Variants in GPLD1 observed in about 807,000 individuals in gnomAD.
GPLD1 encodes phosphatidylinositol-glycan-specific phospholipase D.
In GPLD1, 84 loss-of-function variants were observed where a neutral mutation model predicts 112.6. That is an observed-to-expected ratio of 0.75 (90% CI 0.63 to 0.89). The LOEUF is 0.89. Ranked by LOEUF, GPLD1 falls within the 40% of genes least tolerant of loss-of-function variation. The pLI is 0.00. For synonymous variants in GPLD1, 386 were observed against 403.8 expected, an observed-to-expected ratio of 0.96 and a Z score of 0.53; for missense variants, 1,044 against 1,051.5, an observed-to-expected ratio of 0.99 and a Z score of 0.10.
chr6:24,429,230 G>T, intron 24 of GPLD1, 112 bp from the exon 25 acceptor site: 1 of 571,444 alleles, frequency 1.7e-6, no homozygotes. Context: ...ATAAGACACT[G>T]GCCAGATCCC....
chr6:24,473,714 C>G (rs1288475821), intron 5 of GPLD1, 47 bp from the exon 6 acceptor site: 1 of 1,292,286 alleles, frequency 7.7e-7, no homozygotes, highest in African/African-American at 1.5e-5. Flanking sequence ...AATTGTAGCC[C>G]CAACTCTTAC....
At chr6:24,484,552 G>C (rs1764310830) in intron 2 of GPLD1, among the ~76,000 whole-genome samples, 1 of 152,180 alleles carries the variant, frequency 6.6e-6, no homozygotes, top group Non-Finnish European at 1.5e-5. Flanking sequence ...GGATTAGAAT[G>C]CATCCTGAAA....
At chr6:24,450,022 T>A (rs1763031472) in intron 14 of GPLD1, 123 bp from the exon 15 acceptor site, 1 of 619,608 alleles carries the variant, frequency 1.6e-6, no homozygotes, top group Non-Finnish European at 2.9e-6. Context: ...AAGCCGAAGG[T>A]GCAGTAAGCT....
At chr6:24,493,442 C>T (rs529048513), upstream of GPLD1, among the ~76,000 whole-genome samples, 1 of 152,308 alleles carries the variant, frequency 6.6e-6, no homozygotes, top group African/African-American at 2.4e-5. Flanking sequence ...CACCACTGCA[C>T]TCCACCCTGG....
At chr6:24,456,033 A>T (rs567700932) in intron 13 of GPLD1, among the ~76,000 whole-genome samples, 1 of 152,096 alleles carries the variant, frequency 6.6e-6, no homozygotes, top group African/African-American at 2.4e-5. Flanking sequence ...AAATTTTTTT[A>T]ATCAAATAAA....
chr6:24,467,327 G>A, intron 7 of GPLD1, 53 bp from the exon 8 acceptor site: 3 of 962,728 alleles, frequency 3.1e-6, no homozygotes, highest in East Asian at 2.4e-5. Flanking sequence ...GCTGAAAATA[G>A]TAACAACAGC....
chr6:24,475,164 T>G lies in GPLD1; in HGVS notation c.398A>C (p.His133Pro). The G allele has an allele frequency of 6.2e-7, 1 of 1,612,112 alleles. No individual in the cohort carries two copies. Among genetic ancestry groups the G allele is most frequent in the Non-Finnish European group, 8.5e-7 (1 of 1,178,132 alleles). ...GAATCCTTGTTCAAGGCCCAGACTATGCCAGCTGACATCTGCCGCCATGTG... is the reference window on the plus strand; with the variant it reads ...GAATCCTTGTTCAAGGCCCAGACTAGGCCAGCTGACATCTGCCGCCATGTG... ...TSHMAADVSWHSLGLEQGFLR... is the reference protein window; with the variant it reads ...TSHMAADVSWPSLGLEQGFLR... Residue 133 changes from histidine to proline, a missense_variant, in exon 5 of 25, where the codon CAT (histidine) becomes CCT (proline). Coordinates refer to ENST00000230036, the MANE Select transcript of GPLD1 (RefSeq NM_001503.4).
chr6:24,479,775 A>G (rs1341966931), intron 3 of GPLD1, 106 bp downstream of exon 3: 2 of 610,610 alleles, frequency 3.3e-6, no homozygotes, highest in African/African-American at 2.0e-5. Context: ...TATACTGTGC[A>G]ATTAAAAATA....
At chr6:24,491,132 G>T (rs1486714216), upstream of GPLD1, among the ~76,000 whole-genome samples, 1 of 152,160 alleles carries the variant, frequency 6.6e-6, no homozygotes, top group East Asian at 1.9e-4. Context: ...CCCTGATAGA[G>T]CATGTCCTGC....
At chr6:24,474,280 T>C (rs899736169) in intron 5 of GPLD1, among the ~76,000 whole-genome samples, 1 of 152,116 alleles carries the variant, frequency 6.6e-6, no homozygotes, top group Non-Finnish European at 1.5e-5. Flanking sequence ...TTATAGGATA[T>C]ATATAAAAAT....
chr6:24,445,170 G>A (rs1018952166), intron 20 of GPLD1, among the ~76,000 whole-genome samples: 4 of 152,026 alleles, frequency 2.6e-5, no homozygotes, highest in African/African-American at 7.2e-5. Flanking sequence ...TGGGATTACA[G>A]GTATGCACCA....
At chr6:24,437,313 T>C in intron 20 of GPLD1, 24 bp from the exon 21 acceptor site, 1 of 1,607,080 alleles carries the variant, frequency 6.2e-7, no homozygotes, top group South Asian at 1.1e-5. Flanking sequence ...CAGTTCCTGC[T>C]GGCCTCACAG....
rs1183113943 is a variant in GPLD1, at chr6:24,449,819, G to A, written c.1416C>T (p.Pro472=). Residue 472 remains proline (P), a synonymous_variant, in exon 15 of 25, where the codon CCC becomes CCT. Transcript: ENST00000230036. ...AGGTGAGCTGCTCGGAGCCCACCGA[G>A]GGAGCTCCCACGGCCAGGTCAGGCA... The part of the protein sequence containing the change: ...DGVPDLAVGA[P]SVGSEQLTYK... 6 of 1,613,548 alleles carry A rather than the reference G, an allele frequency of 3.7e-6. No individual in the cohort carries two copies. Among genetic ancestry groups the A allele is most frequent in the South Asian group, 1.1e-5 (1 of 91,080 alleles).
intron 2 of GPLD1, among the ~76,000 whole-genome samples, chr6:24,480,883 G>C (rs1444921295): frequency 2.6e-5 from 4 of 152,184 alleles, no homozygotes; most frequent in Non-Finnish European, 5.9e-5. Context: ...GGCTAACATG[G>C]AAGCATTTGG....
chr6:24,471,549 T>G (rs1763824277), intron 7 of GPLD1, among the ~76,000 whole-genome samples: 2 of 152,138 alleles, frequency 1.3e-5, no homozygotes, highest in Non-Finnish European at 1.5e-5. Context: ...GATAAATCAT[T>G]CTGGGACAAT....
At chr6:24,492,992 T>C (rs984376132), upstream of GPLD1, among the ~76,000 whole-genome samples, 2 of 152,188 alleles carry the variant, frequency 1.3e-5, no homozygotes, top group African/African-American at 2.4e-5. Context: ...CATTTGTGAG[T>C]GCTCCTAAAA....
intron 7 of GPLD1, among the ~76,000 whole-genome samples, 163 bp downstream of exon 7, chr6:24,472,419 A>G (rs889772651): frequency 9.2e-5 from 14 of 152,230 alleles, no homozygotes; most frequent in African/African-American, 3.1e-4. Flanking sequence ...GTGGAATTCA[A>G]TTTCTCAAAG....
At chr6:24,432,268 AG>A (rs1762428623) in intron 24 of GPLD1, among the ~76,000 whole-genome samples, 1 of 147,514 alleles carries the variant, frequency 6.8e-6, no homozygotes, top group African/African-American at 2.5e-5. Context: ...AAAAAAAAAA[AG>A]GTGTGTGTGT....
At chr6:24,452,844 C>T (rs779050850) in intron 14 of GPLD1, among the ~76,000 whole-genome samples, 5 of 151,758 alleles carry the variant, frequency 3.3e-5, no homozygotes, top group South Asian at 4.2e-4. Context: ...CACTTCACAG[C>T]GAAAGGGTAA....
Sources: gnomAD v4.1 joint callset for allele counts (sites outside exome capture counted in the v4.1 genomes callset) on GRCh38, gnomAD v4.1.1 for gene constraint, MANE v1.5 for transcripts, NCBI Gene and HGNC (gene_info 2026-07-23, HGNC 2026-07-21) for gene names.